Variants in PTPRK observed in about 807,000 individuals in gnomAD.
PTPRK encodes the protein receptor-type tyrosine-protein phosphatase kappa.
Under a neutral mutation model 178.0 loss-of-function variants are expected in PTPRK, and 75 were observed. The ratio of observed to expected loss-of-function variants is 0.42; its 90% CI spans 0.35 to 0.51. The LOEUF is 0.51. Ranked by LOEUF, PTPRK falls within the 20% of genes least tolerant of loss-of-function variation. The pLI, the probability that PTPRK is intolerant of heterozygous loss-of-function variation, is 0.02. For missense variants in PTPRK, 1,441 were observed against 1,797.8 expected, an observed-to-expected ratio of 0.80 and a Z score of 3.59; for synonymous variants, 637 against 620.6, an observed-to-expected ratio of 1.03 and a Z score of -0.39.
At chr6:128,490,577 T>A (rs1853634714) in intron 1 of PTPRK, among the ~76,000 whole-genome samples, 1 of 152,206 alleles carries the variant, frequency 6.6e-6, no homozygotes, top group Non-Finnish European at 1.5e-5. Flanking sequence ...ACAGCATTGA[T>A]TCCACAATCA....
At chr6:128,177,103 C>T (rs916119142) in intron 7 of PTPRK, among the ~76,000 whole-genome samples, 1 of 151,580 alleles carries the variant, frequency 6.6e-6, no homozygotes. Flanking sequence ...ATAGTGACCC[C>T]AATAGCACCA....
chr6:128,052,517 A>G (rs936301304), intron 13 of PTPRK, among the ~76,000 whole-genome samples: 3 of 152,134 alleles, frequency 2.0e-5, no homozygotes, highest in African/African-American at 4.8e-5. Flanking sequence ...AATATCCTCA[A>G]TTTGGATTTG....
At position 128,082,552 on chromosome 6, in the gene PTPRK, T is replaced by C; in HGVS notation, c.1662A>G (p.Thr554=). The C allele has an allele frequency of 6.2e-7, 1 of 1,612,396 alleles. No individual in the cohort carries two copies. ...PQTVSNLWNS[T]HHVFMHLHPG... ...GGTGGAGATGCATAAAGACATGGTG[T>C]GTACTGTTCCATAAATTTGATACAG... The change falls in exon 10 of 30, where the codon ACA becomes ACG. Residue 554 remains threonine (T), a synonymous_variant. Coordinates refer to ENST00000368226, the MANE Select transcript of PTPRK (RefSeq NM_002844.4).
chr6:128,244,082 T>A (rs1815014336), intron 3 of PTPRK, among the ~76,000 whole-genome samples: 1 of 152,206 alleles, frequency 6.6e-6, no homozygotes, highest in South Asian at 2.1e-4. Flanking sequence ...TGGCTTAGAC[T>A]ACTAGGTGAA....
At chr6:128,126,272 G>A (rs553741733) in intron 7 of PTPRK, among the ~76,000 whole-genome samples, 2 of 152,010 alleles carry the variant, frequency 1.3e-5, no homozygotes, top group South Asian at 4.1e-4. Flanking sequence ...CTGTGTCCAT[G>A]TGTTTTCATT....
At chr6:128,318,362 T>G (rs1354616974) in intron 3 of PTPRK, among the ~76,000 whole-genome samples, 2 of 152,138 alleles carry the variant, frequency 1.3e-5, no homozygotes, top group Admixed American at 6.5e-5. Context: ...ATAATATACA[T>G]TAATATAACC....
chr6:128,188,460 CA>C (rs1428546947), intron 6 of PTPRK, among the ~76,000 whole-genome samples: 1 of 152,170 alleles, frequency 6.6e-6, no homozygotes, highest in African/African-American at 2.4e-5. Context: ...AATACTTCTA[CA>C]TTTAATTTCC....
At chr6:128,382,044 G>T (rs1302874732) in intron 2 of PTPRK, among the ~76,000 whole-genome samples, 1 of 150,740 alleles carries the variant, frequency 6.6e-6, no homozygotes, top group Admixed American at 6.6e-5. Context: ...TTAGCCAGGT[G>T]TGGTGGCACA....
chr6:128,331,371 C>T (rs927066457), intron 2 of PTPRK, among the ~76,000 whole-genome samples: 1 of 152,120 alleles, frequency 6.6e-6, no homozygotes, highest in Non-Finnish European at 1.5e-5. Context: ...TCTTTGGCCT[C>T]GCCAGCCCCT....
chr6:128,229,138 CAT>C (rs71690608), intron 5 of PTPRK, among the ~76,000 whole-genome samples: 14,523 of 151,932 alleles, frequency 0.096, 1,507 homozygotes, highest in East Asian at 0.34. Flanking sequence ...ATATTAAAAA[CAT>C]AGTTACATTT....
intron 2 of PTPRK, among the ~76,000 whole-genome samples, chr6:128,354,800 C>T (rs890501013): frequency 5.9e-5 from 9 of 152,174 alleles, no homozygotes; most frequent in Non-Finnish European, 1.0e-4. Context: ...GATTACACAG[C>T]TAATACATGA....
At chr6:128,012,550 C>T (rs1161536941) in intron 13 of PTPRK, among the ~76,000 whole-genome samples, 1 of 151,036 alleles carries the variant, frequency 6.6e-6, no homozygotes, top group African/African-American at 2.4e-5. Context: ...TATAAGGAAT[C>T]CCCAGTGTTC....
chr6:128,332,271 G>A (rs1012343692), intron 2 of PTPRK, among the ~76,000 whole-genome samples: 1 of 152,150 alleles, frequency 6.6e-6, no homozygotes, highest in African/African-American at 2.4e-5. Flanking sequence ...AAGGATTAGT[G>A]CCATCTGTTT....
At chr6:127,986,413 T>C (rs1775985042) in intron 21 of PTPRK, among the ~76,000 whole-genome samples, 2 of 152,224 alleles carry the variant, frequency 1.3e-5, no homozygotes, top group Non-Finnish European at 1.5e-5. Context: ...TAAACTGTTC[T>C]TTGGGCAAAC....
At chr6:128,290,874 C>T (rs1431657990) in intron 3 of PTPRK, among the ~76,000 whole-genome samples, 1 of 152,000 alleles carries the variant, frequency 6.6e-6, no homozygotes, top group African/African-American at 2.4e-5. Flanking sequence ...TGACTATATG[C>T]CTGGTATTAA....
intron 3 of PTPRK, among the ~76,000 whole-genome samples, chr6:128,311,550 A>C (rs17055614): frequency 0.049 from 7,421 of 152,220 alleles, 608 homozygotes; most frequent in African/African-American, 0.17. Context: ...CCCCTTACAC[A>C]GTATGATCGT....
intron 13 of PTPRK, among the ~76,000 whole-genome samples, chr6:128,033,351 C>T (rs576600649): frequency 1.3e-5 from 2 of 152,162 alleles, no homozygotes; most frequent in Non-Finnish European, 2.9e-5. Flanking sequence ...CATGAAAATC[C>T]AGCTGACAAA....
chr6:128,313,918 C>G (rs1372282008), intron 3 of PTPRK, among the ~76,000 whole-genome samples: 4 of 152,188 alleles, frequency 2.6e-5, no homozygotes, highest in Admixed American at 6.5e-5. Context: ...TAAAAATTAT[C>G]TGAAAGCATT....
At chr6:128,116,331 G>A (rs1011216818) in intron 7 of PTPRK, among the ~76,000 whole-genome samples, 1 of 152,008 alleles carries the variant, frequency 6.6e-6, no homozygotes, top group Non-Finnish European at 1.5e-5. Flanking sequence ...ATGTAGTACA[G>A]ATATAATCTG....
Sources: allele counts gnomAD v4.1 joint callset (sites outside exome capture counted in the v4.1 genomes callset), GRCh38; gene constraint gnomAD v4.1.1; transcripts MANE v1.5; gene names NCBI Gene and HGNC (gene_info 2026-07-23, HGNC 2026-07-21).